The following MTHFD1L variants were observed in gnomAD, a reference collection of about 807,000 sequenced individuals.
The protein encoded by MTHFD1L is methylenetetrahydrofolate dehydrogenase (NADP+ dependent) 1 like, also known as monofunctional C1-tetrahydrofolate synthase, mitochondrial.
In MTHFD1L, 81 loss-of-function variants were observed where a neutral mutation model predicts 119.5. The observed-to-expected ratio is 0.68, with a 90% CI of 0.57 to 0.82. The LOEUF is 0.82. Ranked by LOEUF, MTHFD1L falls within the 40% of genes least tolerant of loss-of-function variation. MTHFD1L has a pLI of 0.00. For synonymous variants in MTHFD1L, 430 were observed against 475.2 expected, an observed-to-expected ratio of 0.90 and a Z score of 1.24; for missense variants, 1,125 against 1,253.4, an observed-to-expected ratio of 0.90 and a Z score of 1.55.
intron 20 of MTHFD1L, among the ~76,000 whole-genome samples, chr6:150,980,522 A>G (rs1026650204): frequency 1.3e-5 from 2 of 151,766 alleles, no homozygotes; most frequent in African/African-American, 4.8e-5. Flanking sequence ...TGTTCCCACC[A>G]CTCTGTTTCA....
intron 1 of MTHFD1L, among the ~76,000 whole-genome samples, chr6:150,874,458 G>GCA (rs1321376376): frequency 6.6e-6 from 1 of 152,190 alleles, no homozygotes; most frequent in African/African-American, 2.4e-5. Flanking sequence ...TGAAAACTGG[G>GCA]GAAAGCTTCC....
At chr6:151,034,453 T>A in intron 24 of MTHFD1L, 40 bp from the exon 25 acceptor site, 1 of 1,376,244 alleles carries the variant, frequency 7.3e-7, no homozygotes, top group Non-Finnish European at 1.0e-6. Flanking sequence ...TTTAACCAGA[T>A]TAAACTTATA....
At chr6:150,909,257 T>G (rs928623005) in intron 8 of MTHFD1L, among the ~76,000 whole-genome samples, 1 of 147,138 alleles carries the variant, frequency 6.8e-6, no homozygotes, top group Non-Finnish European at 1.5e-5. Context: ...GCTGTAAGAG[T>G]AACTACTTTA....
chr6:150,963,247 G>T (rs934464350), intron 18 of MTHFD1L, among the ~76,000 whole-genome samples: 3 of 152,038 alleles, frequency 2.0e-5, no homozygotes, highest in Admixed American at 6.6e-5. Flanking sequence ...AACCATCTTC[G>T]TGTATGTATA....
At position 150,877,548 on chromosome 6, in the gene MTHFD1L, C is replaced by T. The variant is rs879028092; in HGVS notation, c.313-86C>T. On this transcript the variant is annotated intron_variant, in intron 2 of 27. Transcript: ENST00000367321. ...CATATTATCTTTGTAATTAGATCATCTGTAATCACAAAATTCATCTCTGGA... is the reference window on the plus strand; with the variant it reads ...CATATTATCTTTGTAATTAGATCATTTGTAATCACAAAATTCATCTCTGGA... 1.5e-4 allele frequency: 211 copies of T among 1,416,372 alleles called. 1 individual carries two copies. The Middle Eastern group carries it at 2.8e-3, about 19-fold the overall frequency. The allele number at this position is 1,416,372 out of a possible 1,614,324, so 87.7% of individuals were successfully genotyped here. A position where few individuals can be genotyped will look rare whatever the true frequency, so the allele number is the denominator to read the frequency against.
At position 150,866,921 on chromosome 6, in the gene MTHFD1L, C is replaced by T. The variant is rs536472344; in HGVS notation, c.227+872C>T. 5.4e-4 allele frequency among the ~76,000 whole-genome samples: 83 copies of T among 152,316 alleles called. 1 individual carries two copies. The South Asian group carries it at 0.014, about 25-fold the overall frequency. ...GGGGTGGCAAGAAAGCCCCTTCCGC[C>T]TCCCTCGGAACTGGGATTAGGAACG... On this transcript the variant is annotated intron_variant, in intron 1 of 27. Coordinates refer to ENST00000367321, the MANE Select transcript of MTHFD1L (RefSeq NM_015440.5).
chr6:150,948,015 G>A (rs1235869095), intron 15 of MTHFD1L, among the ~76,000 whole-genome samples: 2 of 150,058 alleles, frequency 1.3e-5, no homozygotes, highest in Non-Finnish European at 3.0e-5. Flanking sequence ...TTTGTTTTTT[G>A]TTTTTTTTTG....
At chr6:150,981,226 G>T (rs950265236) in intron 20 of MTHFD1L, among the ~76,000 whole-genome samples, 1 of 152,120 alleles carries the variant, frequency 6.6e-6, no homozygotes, top group Non-Finnish European at 1.5e-5. Context: ...GTTCCACGTT[G>T]ATTTTCACAC....
chr6:150,917,018 C>T (rs1396718209), intron 8 of MTHFD1L, among the ~76,000 whole-genome samples: 1 of 151,274 alleles, frequency 6.6e-6, no homozygotes, highest in Non-Finnish European at 1.5e-5. Flanking sequence ...GGCTTGGCCT[C>T]CCAAATTGCT....
intron 9 of MTHFD1L, 77 bp downstream of exon 9, chr6:150,918,745 T>C: frequency 8.4e-7 from 1 of 1,189,216 alleles, no homozygotes; most frequent in Non-Finnish European, 1.3e-6. Context: ...GCAAGTGGTT[T>C]CTGTTTACCA....
rs139846284 is a variant in MTHFD1L at position 151,040,639 on chromosome 6, G to A, written c.2847+3522G>A. On this transcript the variant is annotated intron_variant, in intron 26 of 27. Transcript: ENST00000367321. ...GAGGATTACTTGAGCCCAGGAGTTT[G>A]AGGCTACAGTGAGCTATGATCATAT... is the stretch of plus-strand genomic sequence containing the variant. Among the ~76,000 whole-genome samples the A allele has an allele frequency of 3.5e-4, 54 of 152,300 alleles. 2 individuals carry two copies. The East Asian group carries it at 8.9e-3, about 25-fold the overall frequency.
intron 12 of MTHFD1L, among the ~76,000 whole-genome samples, chr6:150,937,937 A>G (rs189099537): frequency 9.2e-4 from 140 of 152,302 alleles, no homozygotes; most frequent in African/African-American, 3.2e-3. Context: ...AGCATGACAA[A>G]TCTCACATAC....
At chr6:150,931,268 CTTTT>C (rs370763551) in intron 11 of MTHFD1L, among the ~76,000 whole-genome samples, 4,249 of 123,616 alleles carry the variant, frequency 0.034, 152 homozygotes, top group African/African-American at 0.11. Context: ...ATCATTTCAT[CTTTT>C]TTTTTTTTTT....
intron 11 of MTHFD1L, among the ~76,000 whole-genome samples, chr6:150,927,512 A>G (rs568013492): frequency 7.2e-6 from 1 of 139,712 alleles, no homozygotes; most frequent in South Asian, 2.3e-4. Context: ...ACTGGGGTGC[A>G]GTGGTGTGAT....
At chr6:150,944,765 A>G (rs1294532432) in intron 14 of MTHFD1L, among the ~76,000 whole-genome samples, 172 bp downstream of exon 14, 1 of 152,254 alleles carries the variant, frequency 6.6e-6, no homozygotes, top group African/African-American at 2.4e-5. Flanking sequence ...CCATCCTTTG[A>G]TCAGATTCTC....
At chr6:151,047,320 C>T (rs1471705403) in intron 26 of MTHFD1L, among the ~76,000 whole-genome samples, 1 of 152,176 alleles carries the variant, frequency 6.6e-6, no homozygotes, top group African/African-American at 2.4e-5. Flanking sequence ...AATTGGTTAT[C>T]ACACTCTTCT....
At chr6:150,972,188 T>G (rs1798078483) in intron 20 of MTHFD1L, 130 bp downstream of exon 20, 1 of 766,870 alleles carries the variant, frequency 1.3e-6, no homozygotes, top group Non-Finnish European at 2.1e-6. Flanking sequence ...ATAGAGGGTC[T>G]CAATAATGGA....
chr6:150,947,814 A>C (rs566237486), intron 15 of MTHFD1L, among the ~76,000 whole-genome samples: 1 of 152,308 alleles, frequency 6.6e-6, no homozygotes, highest in African/African-American at 2.4e-5. Flanking sequence ...CGCAGCCAGC[A>C]GCAGGCACAA....
At chr6:150,963,368 TA>T (rs1165566943) in intron 18 of MTHFD1L, among the ~76,000 whole-genome samples, 1 of 152,220 alleles carries the variant, frequency 6.6e-6, no homozygotes, top group Admixed American at 6.5e-5. Context: ...AGAGTGGTTA[TA>T]AAGTATTCTC....
Sources: allele counts gnomAD v4.1 joint callset (sites outside exome capture counted in the v4.1 genomes callset), GRCh38; gene constraint gnomAD v4.1.1; transcripts MANE v1.5; gene names NCBI Gene and HGNC (gene_info 2026-07-23, HGNC 2026-07-21).